Variants in PHF14 observed in about 807,000 individuals in gnomAD.
The protein encoded by PHF14 is PHD finger protein 14.
A neutral mutation model predicts 117.9 loss-of-function variants in PHF14; 55 were observed. The ratio of observed to expected loss-of-function variants is 0.47; its 90% confidence interval spans 0.38 to 0.58. The LOEUF is 0.58. Ranked by LOEUF, PHF14 falls within the 20% of genes least tolerant of loss-of-function variation. The pLI is 0.00. For synonymous variants in PHF14, 409 were observed against 368.6 expected (o/e 1.11, Z -1.26); for missense variants, 978 against 1,122.2 (o/e 0.87, Z 1.84).
intron 17 of PHF14, among the ~76,000 whole-genome samples, chr7:11,133,791 T>G (rs1393908195): frequency 1.3e-5 from 2 of 152,044 alleles, no homozygotes; most frequent in Admixed American, 1.3e-4. Context: ...TATTACATCA[T>G]AAAACGATTC....
intron 16 of PHF14, chr7:11,106,021 T>C (rs1787248806): frequency 1.0e-6 from 1 of 984,770 alleles, no homozygotes; most frequent in Non-Finnish European, 1.2e-6. Flanking sequence ...ATCAGTTTAT[T>C]AAAGAACAAA....
chr7:10,991,785 A>G (rs1681292), intron 4 of PHF14, among the ~76,000 whole-genome samples: 53,685 of 119,918 alleles, frequency 0.45, 12,511 homozygotes, highest in Middle Eastern at 0.58. Context: ...TTTGGTAGAG[A>G]CAGGGTTTTG....
intron 17 of PHF14, among the ~76,000 whole-genome samples, chr7:11,146,909 C>T (rs971010274): frequency 3.3e-5 from 5 of 152,104 alleles, no homozygotes; most frequent in Non-Finnish European, 5.9e-5. Context: ...TCCAGTGGTG[C>T]GATCACAGCT....
At chr7:11,031,285 T>A (rs1784113607) in intron 7 of PHF14, among the ~76,000 whole-genome samples, 1 of 152,178 alleles carries the variant, frequency 6.6e-6, no homozygotes, top group African/African-American at 2.4e-5. Flanking sequence ...TGTATAGCCT[T>A]CTGACATAGT....
At position 11,007,881 on chromosome 7, in the gene PHF14, A is replaced by G. The variant is rs114730662; in HGVS notation, c.1046-5866A>G. On this transcript the variant is annotated intron_variant, in intron 4 of 17. Coordinates refer to ENST00000634607, the MANE Select transcript of PHF14 (RefSeq NM_001007157.2). ...TAGTATGCCAAATTTCGCTTATTGA[A>G]TTTATAATTGTTTACTGTAATTACT... 3.9e-3 allele frequency among the ~76,000 whole-genome samples: 599 copies of G among 152,272 alleles called. 6 individuals are homozygous for G. Among genetic ancestry groups the G allele is most frequent in the African/African-American group, 0.014 (576 of 41,538 alleles).
At chr7:11,082,081 C>T (rs368979585) in intron 16 of PHF14, among the ~76,000 whole-genome samples, 19 of 152,056 alleles carry the variant, frequency 1.2e-4, no homozygotes, top group East Asian at 7.8e-4. Flanking sequence ...CAGTGGCTCA[C>T]GCTTGTAATC....
intron 17 of PHF14, among the ~76,000 whole-genome samples, chr7:11,141,868 CTG>C (rs1049439094): frequency 1.8e-4 from 25 of 138,012 alleles, no homozygotes; most frequent in African/African-American, 6.7e-4. Flanking sequence ...CTTTTTCTTA[CTG>C]TCTTATCTGT....
chr7:11,036,399 G>C lies in PHF14; in HGVS notation c.1603-19G>C, dbSNP rs1441709223. ...TTCATTTTATTATCTTTTAAAATTT[G>C]AATACATTTCTTTTATAGGCAAGGA... On this transcript the variant is annotated intron_variant, in intron 8 of 17. Transcript: ENST00000634607. 6.4e-7 allele frequency: 1 copy of C among 1,559,840 alleles called. No homozygotes were observed. Among genetic ancestry groups the C allele is most frequent in the African/African-American group, 1.4e-5 (1 of 72,878 alleles).
intron 7 of PHF14, among the ~76,000 whole-genome samples, chr7:11,035,146 T>C (rs915078239): frequency 4.0e-5 from 6 of 151,398 alleles, no homozygotes; most frequent in African/African-American, 1.5e-4. Flanking sequence ...AATACAAATA[T>C]AAAACCAATA....
In PHF14 at chr7:11,038,806, G is replaced by A. The variant is rs753298294; in HGVS notation, c.2027G>A (p.Arg676Gln). Residue 676 changes from arginine (R) to glutamine (Q), a missense_variant, in exon 11 of 18, where the codon CGA becomes CAA. By Grantham distance (43) the Arg-to-Gln change is conservative. Coordinates refer to ENST00000634607, the MANE Select transcript of PHF14 (RefSeq NM_001007157.2). ...EELQNLNGKL[R>Q]SEGQGIWALL... is the part of the protein sequence containing the mutation. ...CTACAAAACCTGAATGGAAAACTTC[G>A]AAGTGAAGGACAAGGAATATGGGCT... 16 of 1,597,470 alleles carry A rather than the reference G, an allele frequency of 1.0e-5. No homozygotes were observed. The highest frequency in any genetic ancestry group is 4.0e-5 in the African/African-American group (3 of 74,302).
intron 17 of PHF14, among the ~76,000 whole-genome samples, chr7:11,142,875 T>C (rs1351574203): frequency 1.3e-5 from 2 of 152,284 alleles, no homozygotes; most frequent in Non-Finnish European, 2.9e-5. Context: ...AATGACTTAA[T>C]GGTTAATTGG....
chr7:11,164,274 A>T (rs1260945508), intron 17 of PHF14, among the ~76,000 whole-genome samples: 1 of 152,180 alleles, frequency 6.6e-6, no homozygotes, highest in African/African-American at 2.4e-5. Context: ...TATTTCTGGA[A>T]ATAGTTTGTT....
chr7:11,077,581 C>G (rs1280307066), intron 16 of PHF14, among the ~76,000 whole-genome samples: 1 of 121,390 alleles, frequency 8.2e-6, no homozygotes, highest in Non-Finnish European at 1.6e-5. Flanking sequence ...GGCCTGGCAA[C>G]AGAGCGAGAC....
chr7:11,093,994 C>G (rs1003261894), intron 16 of PHF14, among the ~76,000 whole-genome samples: 1 of 152,070 alleles, frequency 6.6e-6, no homozygotes, highest in Non-Finnish European at 1.5e-5. Flanking sequence ...TGTGTGGCAG[C>G]AGGGTTTACA....
chr7:11,082,879 C>A (rs1186470221), intron 16 of PHF14, among the ~76,000 whole-genome samples: 1 of 151,976 alleles, frequency 6.6e-6, no homozygotes, highest in Non-Finnish European at 1.5e-5. Context: ...CCACAGTACC[C>A]CTCCCCTTCC....
intron 4 of PHF14, among the ~76,000 whole-genome samples, chr7:11,005,787 CTTTTT>C (rs951270672): frequency 0.015 from 1,242 of 84,416 alleles, 8 homozygotes; most frequent in African/African-American, 0.056. Context: ...AGTAAAAATT[CTTTTT>C]TTTTTTTTTT....
chr7:11,024,210 A>G (rs1187423163), intron 6 of PHF14, among the ~76,000 whole-genome samples: 1 of 152,180 alleles, frequency 6.6e-6, no homozygotes, highest in Non-Finnish European at 1.5e-5. Context: ...CAATATTGTG[A>G]AGGCTGAGAG....
At chr7:10,989,241 A>C (rs933429455) in intron 3 of PHF14, among the ~76,000 whole-genome samples, 1 of 152,198 alleles carries the variant, frequency 6.6e-6, no homozygotes, top group African/African-American at 2.4e-5. Flanking sequence ...AGAATTATTA[A>C]TTGTGACCTT....
At chr7:11,044,846 G>A (rs1348123337) in intron 13 of PHF14, among the ~76,000 whole-genome samples, 1 of 152,084 alleles carries the variant, frequency 6.6e-6, no homozygotes, top group Non-Finnish European at 1.5e-5. Flanking sequence ...AAGTGATTTG[G>A]ATTTTGTTTT....
Sources: gnomAD v4.1 joint callset for allele counts (sites outside exome capture counted in the v4.1 genomes callset) on GRCh38, gnomAD v4.1.1 for gene constraint, MANE v1.5 for transcripts, NCBI Gene and HGNC (gene_info 2026-07-23, HGNC 2026-07-21) for gene names.